Variants in CCDC144A observed in about 807,000 individuals in gnomAD.
CCDC144A encodes the protein coiled-coil domain-containing protein 144A.
Under a neutral mutation model 143.8 loss-of-function variants are expected in CCDC144A, and 41 were observed. That is an observed-to-expected ratio of 0.29 (90% CI 0.22 to 0.37). CCDC144A has a LOEUF of 0.37. Among genes scored for constraint, CCDC144A ranks in the 10% least tolerant of loss-of-function variants. The pLI, the probability that CCDC144A is intolerant of heterozygous loss-of-function variation, is 1.00. For synonymous variants in CCDC144A, 242 were observed against 517.9 expected, an observed-to-expected ratio of 0.47 and a Z score of 7.23; for missense variants, 637 against 1,488.8, an observed-to-expected ratio of 0.43 and a Z score of 9.41.
At chr17:16,683,145 T>A in the CCDC144A span, among the ~76,000 whole-genome samples, 1 of 151,810 alleles carries the variant, frequency 6.6e-6, no homozygotes, top group Non-Finnish European at 1.5e-5. Flanking sequence ...AGAGATACAT[T>A]GCACAACATG....
chr17:16,682,949 T>C, the CCDC144A span, among the ~76,000 whole-genome samples: 1 of 124,828 alleles, frequency 8.0e-6, no homozygotes, highest in Non-Finnish European at 1.6e-5. Flanking sequence ...TAACGCAGGC[T>C]GGAGTGCAGC....
At chr17:16,746,472 G>T in intron 12 of CCDC144A, 1 of 1,613,398 alleles carries the variant, frequency 6.2e-7, no homozygotes, top group Non-Finnish European at 8.5e-7. Flanking sequence ...ATCTCCCCCA[G>T]CAGAGTCTCA....
At position 16,775,182 on chromosome 17, in the gene CCDC144A, T is replaced by C. The variant is rs1915964611; in HGVS notation, c.*1549T>C. On this transcript the variant is annotated 3_prime_UTR_variant, in exon 17 of 17. Coordinates refer to ENST00000399273, the MANE Select transcript of CCDC144A (RefSeq NM_001382000.1). ...GTGCTGCAATGAACATACGTGTGCG[T>C]GTATCTTTATACTAGAATTAGTTAT... is the stretch of plus-strand genomic sequence containing the variant. 1 of 152,314 alleles carries C rather than the reference T, an allele frequency of 6.6e-6. No homozygotes were observed. The highest frequency in any genetic ancestry group is 1.5e-5 in the Non-Finnish European group (1 of 68,078). The allele number at this position is 152,314 out of a possible 1,614,324, so 9.4% of individuals were successfully genotyped here. A position where few individuals can be genotyped will look rare whatever the true frequency, so the allele number is the denominator to read the frequency against.
intron 8 of CCDC144A, among the ~76,000 whole-genome samples, chr17:16,725,061 T>C (rs1406500212): frequency 1.6e-5 from 2 of 123,918 alleles, no homozygotes; most frequent in Non-Finnish European, 3.3e-5. Flanking sequence ...GGTATTAACA[T>C]AGCCATTTCT....
At chr17:16,748,893 A>G (rs1914658772) in intron 12 of CCDC144A, among the ~76,000 whole-genome samples, 1 of 151,924 alleles carries the variant, frequency 6.6e-6, no homozygotes, top group African/African-American at 2.4e-5. Context: ...GTAGTCTCTG[A>G]GGATCTTTTG....
intron 12 of CCDC144A, among the ~76,000 whole-genome samples, chr17:16,760,153 T>C (rs1915296019): frequency 6.6e-6 from 1 of 152,050 alleles, no homozygotes; most frequent in Non-Finnish European, 1.5e-5. Flanking sequence ...GCTGTGTGAC[T>C]TTTTGTAACC....
At chr17:16,771,001 ATTGAC>A (rs1380216205) in intron 15 of CCDC144A, among the ~76,000 whole-genome samples, 6 of 152,218 alleles carry the variant, frequency 3.9e-5, no homozygotes, top group East Asian at 1.9e-4. Flanking sequence ...AAAAAAAAAA[ATTGAC>A]TTGACACCTA....
At chr17:16,721,926 G>T (rs1484149607) in intron 8 of CCDC144A, among the ~76,000 whole-genome samples, 2 of 152,152 alleles carry the variant, frequency 1.3e-5, no homozygotes, top group Non-Finnish European at 2.9e-5. Flanking sequence ...TTTCAACTCA[G>T]GTAGCTTTTA....
intron 12 of CCDC144A, among the ~76,000 whole-genome samples, chr17:16,750,927 G>T (rs1914760749): frequency 6.6e-6 from 1 of 152,076 alleles, no homozygotes; most frequent in South Asian, 2.1e-4. Context: ...CTTTTGGATG[G>T]TTATACTGGC....
At position 16,707,113 on chromosome 17, in the gene CCDC144A, G is replaced by T. The variant is rs2621613; in HGVS notation, c.665-356G>T. 2.5e-4 allele frequency: 50 copies of T among 198,386 alleles called. 2 individuals are homozygous for T. The highest frequency in any genetic ancestry group is 2.2e-3 in the Admixed American group (36 of 16,674). 12.3% of individuals were successfully genotyped at this position (198,386 alleles called of 1,614,324 possible). ...ATCATTAATAAGGTACTATTATGAA[G>T]TGGAGAACAGTATGCAGCATTGCCT... On this transcript the variant is annotated intron_variant, in intron 3 of 16. Transcript: ENST00000399273.
At chr17:16,703,324 G>A (rs1374725616) in intron 2 of CCDC144A, among the ~76,000 whole-genome samples, 1 of 151,040 alleles carries the variant, frequency 6.6e-6, no homozygotes, top group African/African-American at 2.4e-5. Context: ...ACATTTTTGA[G>A]GTCAGTCCTT....
At chr17:16,705,930 A>C (rs1051258210) in intron 3 of CCDC144A, 1 of 160,068 alleles carries the variant, frequency 6.2e-6, no homozygotes, top group African/African-American at 2.4e-5. Flanking sequence ...ATACAAAAAA[A>C]AAACTAGCTG....
intron 6 of CCDC144A, chr17:16,712,044 C>A: frequency 1.7e-6 from 1 of 574,974 alleles, no homozygotes; most frequent in Non-Finnish European, 2.9e-6. Flanking sequence ...GCAAGAGAAT[C>A]ATTTGAACCT....
chr17:16,667,220 CG>C, the CCDC144A span: 1 of 206,438 alleles, frequency 4.8e-6, no homozygotes, highest in Non-Finnish European at 9.8e-6. Context: ...CTAACGGCGG[CG>C]GGGGCGGCTG....
chr17:16,683,946 G>C, the CCDC144A span: 2 of 1,223,116 alleles, frequency 1.6e-6, no homozygotes, highest in Admixed American at 3.4e-5. Flanking sequence ...CGCGTTTACT[G>C]GGGGCCGGGC....
In CCDC144A at chr17:16,709,579, A is replaced by G; in HGVS notation, c.1522A>G (p.Thr508Ala). The G allele has an allele frequency of 6.2e-7, 1 of 1,611,630 alleles. No individual in the cohort carries two copies. Among genetic ancestry groups the G allele is most frequent in the Non-Finnish European group, 8.5e-7 (1 of 1,179,626 alleles). Residue 508 changes from threonine (T) to alanine (A), a missense_variant, in exon 5 of 17, where the codon ACA becomes GCA. Physicochemically the swap from Thr to Ala is moderately conservative, Grantham distance 58. Coordinates refer to ENST00000399273, the MANE Select transcript of CCDC144A (RefSeq NM_001382000.1). The part of the protein sequence containing the change: ...DMQKFKNEVN[T>A]LEEEFLALKK... Reference sequence around the variant, plus strand: ...GCAAAAGTTTAAGAATGAGGTCAACACATTAGAAGAAGAGTTCCTGGCTTT... The same window carrying G: ...GCAAAAGTTTAAGAATGAGGTCAACGCATTAGAAGAAGAGTTCCTGGCTTT...
intron 5 of CCDC144A, among the ~76,000 whole-genome samples, chr17:16,711,272 C>G (rs1375655568): frequency 6.6e-6 from 1 of 150,908 alleles, no homozygotes; most frequent in Non-Finnish European, 1.5e-5. Context: ...ATATGAAAGT[C>G]AAGTGGCAAA....
chr17:16,774,603 AT>A lies in CCDC144A; in HGVS notation c.*980del, dbSNP rs1365245915. ...TTTTTATGATAAGATTTAGATGATA[AT>A]TTTTTTTTTGGCAAGAGTATCACAG... On this transcript the variant is annotated 3_prime_UTR_variant, in exon 17 of 17. Coordinates refer to ENST00000399273, the MANE Select transcript of CCDC144A (RefSeq NM_001382000.1). 6 of 137,610 alleles carry A rather than the reference AT, an allele frequency of 4.4e-5. No individual in the cohort carries two copies. Among genetic ancestry groups the A allele is most frequent in the South Asian group, 2.5e-4 (1 of 3,922 alleles). 8.5% of individuals were successfully genotyped at this position (137,610 alleles called of 1,614,324 possible).
intron 2 of CCDC144A, among the ~76,000 whole-genome samples, chr17:16,700,016 A>T (rs1420762684): frequency 3.9e-5 from 6 of 152,198 alleles, no homozygotes; most frequent in African/African-American, 4.8e-5. Flanking sequence ...AAAAAATTGT[A>T]TAATGCAATT....
Sources: allele counts gnomAD v4.1 joint callset (sites outside exome capture counted in the v4.1 genomes callset), GRCh38; gene constraint gnomAD v4.1.1; transcripts MANE v1.5; gene names NCBI Gene and HGNC (gene_info 2026-07-23, HGNC 2026-07-21).